SORCS1: variants seen among roughly 807,000 people sequenced by gnomAD.
The protein encoded by SORCS1 is VPS10 domain-containing receptor SorCS1.
A neutral mutation model predicts 146.1 loss-of-function variants in SORCS1; 60 were observed. The ratio of observed to expected loss-of-function variants is 0.41; its 90% CI spans 0.33 to 0.51. The LOEUF is 0.51. SORCS1 is among the 20% of genes least tolerant of loss of function. The pLI is 0.21. For missense variants in SORCS1, 1,352 were observed against 1,487.6 expected, an observed-to-expected ratio of 0.91 and a Z score of 1.50; for synonymous variants, 637 against 584.0, an observed-to-expected ratio of 1.09 and a Z score of -1.31.
intron 1 of SORCS1, among the ~76,000 whole-genome samples, chr10:107,069,588 C>G (rs1170263328): frequency 6.6e-6 from 1 of 152,108 alleles, no homozygotes; most frequent in Non-Finnish European, 1.5e-5. Flanking sequence ...GTTGGCCAGG[C>G]TGGTCTCGAC....
rs111896177 is a variant in SORCS1, at chr10:106,869,933, G to A, written c.627-40260C>T. ...GTTTGAAGATGACATGATTCTATAC[G>A]TAGAAAACCCCATAATTTTGGCCCC... On this transcript the variant is annotated intron_variant, in intron 2 of 25. Transcript: ENST00000263054. 0.01 allele frequency among the ~76,000 whole-genome samples: 1,521 copies of A among 151,944 alleles called. 56 individuals are homozygous for A. In the East Asian group the frequency reaches 0.12, roughly 11 times the overall value.
chr10:107,072,618 T>C (rs936980096), intron 1 of SORCS1, among the ~76,000 whole-genome samples: 6 of 151,640 alleles, frequency 4.0e-5, no homozygotes, highest in South Asian at 2.1e-4. Flanking sequence ...CATATATATA[T>C]ACACACATAT....
intron 1 of SORCS1, among the ~76,000 whole-genome samples, chr10:107,110,302 G>C (rs145848389): frequency 1.3e-5 from 2 of 152,026 alleles, no homozygotes; most frequent in Non-Finnish European, 2.9e-5. Flanking sequence ...TTCTTATATT[G>C]CTATAAAGAA....
intron 6 of SORCS1, among the ~76,000 whole-genome samples, chr10:106,719,406 GTTTC>G (rs1006343459): frequency 9.0e-5 from 12 of 133,314 alleles, no homozygotes; most frequent in African/African-American, 2.2e-4. Flanking sequence ...TCAATGAACA[GTTTC>G]TTTCTTTCTT....
At chr10:106,878,646 A>ATATATATATATATATATT (rs1200849744) in intron 2 of SORCS1, among the ~76,000 whole-genome samples, 5,122 of 117,306 alleles carry the variant, frequency 0.044, 455 homozygotes, top group Non-Finnish European at 0.071. Flanking sequence ...ATATATATAT[A>ATATATATATATATATATT]TATTTTATAG....
intron 1 of SORCS1, among the ~76,000 whole-genome samples, chr10:107,121,466 C>A (rs1966409962): frequency 6.6e-6 from 1 of 152,106 alleles, no homozygotes; most frequent in African/African-American, 2.4e-5. Flanking sequence ...TGGGACCATC[C>A]CTTCTAAGCT....
chr10:106,896,889 GT>G (rs869027396), intron 2 of SORCS1, among the ~76,000 whole-genome samples: 210 of 119,874 alleles, frequency 1.8e-3, no homozygotes, highest in Middle Eastern at 4.5e-3. Flanking sequence ...ACCAAATACT[GT>G]TTTTTTTTTT....
chr10:106,800,239 T>G (rs1946796672), intron 3 of SORCS1, among the ~76,000 whole-genome samples: 1 of 152,172 alleles, frequency 6.6e-6, no homozygotes, highest in African/African-American at 2.4e-5. Context: ...AATAATTAAA[T>G]GTACCAGTAG....
intron 17 of SORCS1, among the ~76,000 whole-genome samples, chr10:106,663,254 G>C (rs1176359936): frequency 6.6e-6 from 1 of 151,926 alleles, no homozygotes; most frequent in East Asian, 1.9e-4. Context: ...ACATATTTTT[G>C]AATGAAAAAG....
At chr10:106,728,760 T>A (rs1293272298) in intron 6 of SORCS1, among the ~76,000 whole-genome samples, 2 of 152,136 alleles carry the variant, frequency 1.3e-5, no homozygotes, top group Non-Finnish European at 2.9e-5. Flanking sequence ...ACGGCAGTGA[T>A]TAGGGTGCTT....
Position 106,671,224 on chromosome 10 carries a change from T to C in SORCS1, c.2189+13A>G. 6.2e-7 allele frequency: 1 copy of C among 1,614,006 alleles called. No homozygotes were observed. The highest frequency in any genetic ancestry group is 8.5e-7 in the Non-Finnish European group (1 of 1,179,904). On this transcript the variant is annotated intron_variant, in intron 16 of 25. Coordinates refer to ENST00000263054, the MANE Select transcript of SORCS1 (RefSeq NM_052918.5). ...ACACCAAATGGCTCCAGGAGATAAT[T>C]GCACAAGCTCACCAATCAAAATCAG...
At chr10:107,118,524 A>G (rs1256803266) in intron 1 of SORCS1, among the ~76,000 whole-genome samples, 1 of 152,194 alleles carries the variant, frequency 6.6e-6, no homozygotes, top group Non-Finnish European at 1.5e-5. Flanking sequence ...TTTATCTAAC[A>G]TCCAATGTCC....
chr10:106,773,552 T>G, intron 4 of SORCS1, among the ~76,000 whole-genome samples: 1 of 152,174 alleles, frequency 6.6e-6, no homozygotes, highest in Non-Finnish European at 1.5e-5. Context: ...CATGATGTGT[T>G]TTTTCCAGTA....
At chr10:107,010,424 T>A (rs778132499) in intron 1 of SORCS1, among the ~76,000 whole-genome samples, 3 of 71,822 alleles carry the variant, frequency 4.2e-5, no homozygotes, top group African/African-American at 7.1e-5. Flanking sequence ...TCACAAGGCA[T>A]AACTTTATTT....
intron 2 of SORCS1, among the ~76,000 whole-genome samples, chr10:106,905,225 ATAAT>A (rs1348003327): frequency 2.0e-5 from 3 of 152,166 alleles, no homozygotes; most frequent in Non-Finnish European, 4.4e-5. Flanking sequence ...TTAGGAAAAC[ATAAT>A]TAGTATACTA....
intron 3 of SORCS1, among the ~76,000 whole-genome samples, chr10:106,780,742 C>A (rs1199677057): frequency 6.6e-6 from 1 of 152,120 alleles, no homozygotes; most frequent in Non-Finnish European, 1.5e-5. Flanking sequence ...TTCAGTTCCA[C>A]CCATGAGTGA....
intron 4 of SORCS1, among the ~76,000 whole-genome samples, chr10:106,774,510 G>T (rs1860279750): frequency 6.6e-6 from 1 of 151,302 alleles, no homozygotes; most frequent in African/African-American, 2.4e-5. Flanking sequence ...AGAAAAATTT[G>T]CAATTTTGTA....
intron 1 of SORCS1, among the ~76,000 whole-genome samples, chr10:107,100,021 A>C (rs1332906764): frequency 1.3e-5 from 2 of 152,230 alleles, no homozygotes; most frequent in African/African-American, 4.8e-5. Context: ...AAAGGGGCAG[A>C]CATGTCTGTT....
chr10:106,616,755 T>G (rs541056189), intron 21 of SORCS1, among the ~76,000 whole-genome samples: 1 of 152,290 alleles, frequency 6.6e-6, no homozygotes, highest in Non-Finnish European at 1.5e-5. Flanking sequence ...CTTTTGATCC[T>G]TAGATGTGTT....
Sources: gnomAD v4.1 joint callset for allele counts (sites outside exome capture counted in the v4.1 genomes callset) on GRCh38, gnomAD v4.1.1 for gene constraint, MANE v1.5 for transcripts, NCBI Gene and HGNC (gene_info 2026-07-23, HGNC 2026-07-21) for gene names.